The following RNF10 variants were observed in gnomAD, a reference collection of about 807,000 sequenced individuals.
The protein encoded by RNF10 is ring finger protein 10, also known as E3 ubiquitin-protein ligase RNF10.
A neutral mutation model predicts 91.4 loss-of-function variants in RNF10; 38 were observed. The observed-to-expected ratio is 0.42, with a 90% confidence interval of 0.32 to 0.54. The LOEUF (loss-of-function observed/expected upper bound fraction) is 0.54. Among genes scored for constraint, RNF10 ranks in the 20% least tolerant of loss-of-function variants. RNF10 has a pLI of 0.16. For synonymous variants in RNF10, 364 were observed against 366.3 expected (o/e 0.99, Z 0.07); for missense variants, 945 against 1,012.0 (o/e 0.93, Z 0.90).
At chr12:120,537,730 A>T (rs560400913) in intron 1 of RNF10, among the ~76,000 whole-genome samples, 2 of 152,240 alleles carry the variant, frequency 1.3e-5, no homozygotes, top group South Asian at 4.1e-4. Flanking sequence ...CATGTTTGCC[A>T]CCGCCAGTGT....
intron 1 of RNF10, among the ~76,000 whole-genome samples, chr12:120,545,481 C>T (rs759956116): frequency 2.6e-5 from 4 of 151,682 alleles, no homozygotes; most frequent in South Asian, 2.1e-4. Flanking sequence ...CATGAGCCAC[C>T]GCGCCTGGCC....
chr12:120,548,696 T>TC (rs969809751), intron 2 of RNF10, among the ~76,000 whole-genome samples: 2 of 148,786 alleles, frequency 1.3e-5, no homozygotes, highest in African/African-American at 4.9e-5. Context: ...TCTCGCTCTG[T>TC]CCCCCCAGGC....
At position 120,577,432 on chromosome 12, in the gene RNF10, G is replaced by A. The variant is rs1877535426; in HGVS notation, c.*766G>A. 3.5e-6 allele frequency: 1 copy of A among 288,146 alleles called. No individual in the cohort carries two copies. Among genetic ancestry groups the A allele is most frequent in the South Asian group, 2.7e-5 (1 of 36,966 alleles). 17.8% of individuals were successfully genotyped at this position (288,146 alleles called of 1,614,324 possible). A position where few individuals can be genotyped will look rare whatever the true frequency, so the allele number is the denominator to read the frequency against. On this transcript the variant is annotated 3_prime_UTR_variant, in exon 17 of 17. Transcript: ENST00000325954. Reference sequence around the variant, plus strand: ...GCAGGAGAGCAGGGCCATCTGAAGCGGTAGCATTGCCACCATCTCCCTCTC... The same window carrying A: ...GCAGGAGAGCAGGGCCATCTGAAGCAGTAGCATTGCCACCATCTCCCTCTC...
chr12:120,577,571 A>T lies in RNF10; in HGVS notation c.*905A>T. ...GAATGCGAAGGCAAATAGTTGCAAT[A>T]AATCACCTGCACAAGCATTGTGAGC... is the stretch of plus-strand genomic sequence containing the variant. On this transcript the variant is annotated 3_prime_UTR_variant, in exon 17 of 17. Coordinates refer to ENST00000325954, the MANE Select transcript of RNF10 (RefSeq NM_014868.5). The T allele has an allele frequency of 5.6e-6, 1 of 179,512 alleles. No homozygotes were observed. The highest frequency in any genetic ancestry group is 1.2e-5 in the Non-Finnish European group (1 of 83,734). 11.1% of individuals were successfully genotyped at this position (179,512 alleles called of 1,614,324 possible). A position where few individuals can be genotyped will look rare whatever the true frequency, so the allele number is the denominator to read the frequency against.
chr12:120,563,839 C>G lies in RNF10; in HGVS notation c.1561C>G (p.Pro521Ala), dbSNP rs758443878. ...AGATGGACAGCATATGTTCCTGCAC[C>G]CTGTGAATGTGCGCTGCCTCGTGCG... ...AEDGQHMFLH[P>A]VNVRCLVREY... The change falls in exon 10 of 17, where the codon CCT becomes GCT. Residue 521 changes from proline to alanine, a missense_variant. Coordinates refer to ENST00000325954, the MANE Select transcript of RNF10 (RefSeq NM_014868.5). 6.2e-7 allele frequency: 1 copy of G among 1,614,100 alleles called. No individual in the cohort carries two copies. Among genetic ancestry groups the G allele is most frequent in the South Asian group, 1.1e-5 (1 of 91,076 alleles).
At chr12:120,565,661 C>T (rs891951348) in intron 12 of RNF10, 132 bp downstream of exon 12, 1 of 702,442 alleles carries the variant, frequency 1.4e-6, no homozygotes, top group Non-Finnish European at 2.5e-6. Flanking sequence ...ATGAGAGCAC[C>T]TCCTTAATAG....
chr12:120,562,928 C>T lies in RNF10; in HGVS notation c.1129-17C>T, dbSNP rs767764480. On this transcript the variant is annotated splice_polypyrimidine_tract_variant and intron_variant, in intron 7 of 16. Coordinates refer to ENST00000325954, the MANE Select transcript of RNF10 (RefSeq NM_014868.5). ...TGGAAACTTAACCTTCTCTGGTGTT[C>T]TCTCTGGCCACGTTAGACTCGGGAA... The T allele has an allele frequency of 6.2e-7, 1 of 1,612,870 alleles. No individual in the cohort carries two copies. The highest frequency in any genetic ancestry group is 2.3e-5 in the East Asian group (1 of 44,030).
intron 2 of RNF10, among the ~76,000 whole-genome samples, chr12:120,551,243 C>T (rs1336680702): frequency 6.7e-6 from 1 of 149,720 alleles, no homozygotes; most frequent in African/African-American, 2.5e-5. Context: ...TCCTTGGCCT[C>T]CTAAAGCACT....
chr12:120,556,320 GT>G (rs1369736320), intron 4 of RNF10, among the ~76,000 whole-genome samples: 1 of 151,196 alleles, frequency 6.6e-6, no homozygotes, highest in African/African-American at 2.4e-5. Flanking sequence ...GGATCACGGG[GT>G]CAGGAGATCG....
At chr12:120,540,713 AGTT>A (rs1871419410) in intron 1 of RNF10, among the ~76,000 whole-genome samples, 1 of 152,190 alleles carries the variant, frequency 6.6e-6, no homozygotes, top group Non-Finnish European at 1.5e-5. Context: ...TGATGTGGTC[AGTT>A]GTTATGTGTT....
At position 120,563,395 on chromosome 12, in the gene RNF10, T is replaced by C; in HGVS notation, c.1303T>C (p.Cys435Arg). Residue 435 changes from cysteine (C) to arginine (R), a missense_variant, in exon 9 of 17, where the codon TGT (cysteine) becomes CGT (arginine). Physicochemically the swap from Cys to Arg is radical, Grantham distance 180. Coordinates refer to ENST00000325954, the MANE Select transcript of RNF10 (RefSeq NM_014868.5). ...CTTCGATGAAGAAACCACGGAAGTT[T>C]GTTCTCTGGACACTCCTTCTAGACC... ...SAFDEETTEVCSLDTPSRPLA... is the reference protein window; with the variant it reads ...SAFDEETTEVRSLDTPSRPLA... The C allele has an allele frequency of 6.2e-7, 1 of 1,614,084 alleles. No homozygotes were observed. Among genetic ancestry groups the C allele is most frequent in the Non-Finnish European group, 8.5e-7 (1 of 1,180,032 alleles).
chr12:120,551,692 AGGTGTAT>A (rs2137173071), intron 2 of RNF10, among the ~76,000 whole-genome samples: 1 of 152,156 alleles, frequency 6.6e-6, no homozygotes, highest in African/African-American at 2.4e-5. Flanking sequence ...GGCTATTTGC[AGGTGTAT>A]CATAGTGCAC....
At chr12:120,576,374 C>T (rs1877393780) in intron 16 of RNF10, among the ~76,000 whole-genome samples, 1 of 152,238 alleles carries the variant, frequency 6.6e-6, no homozygotes, top group Admixed American at 6.5e-5. Context: ...GGGTGTACCT[C>T]ACGTTACAGA....
At chr12:120,541,473 C>T (rs561405895) in intron 1 of RNF10, among the ~76,000 whole-genome samples, 75 of 145,742 alleles carry the variant, frequency 5.1e-4, no homozygotes, top group Non-Finnish European at 9.0e-4. Context: ...CTCACTCTGT[C>T]GCCCAGACTG....
intron 1 of RNF10, 143 bp downstream of exon 1, chr12:120,535,111 G>A: frequency 1.1e-6 from 1 of 921,494 alleles, no homozygotes; most frequent in South Asian, 1.9e-5. Context: ...GCTCTCATTT[G>A]CAGTTACATT....
intron 14 of RNF10, among the ~76,000 whole-genome samples, chr12:120,571,814 T>G (rs936159409): frequency 6.6e-6 from 1 of 152,168 alleles, no homozygotes; most frequent in African/African-American, 2.4e-5. Context: ...CTCTTCACTT[T>G]GAGAGGGGAA....
intron 14 of RNF10, among the ~76,000 whole-genome samples, chr12:120,573,063 C>T (rs1226310754): frequency 6.6e-6 from 1 of 152,022 alleles, no homozygotes; most frequent in Non-Finnish European, 1.5e-5. Context: ...TTTGCTTTCT[C>T]TTTTTTCTGT....
At chr12:120,545,864 T>A (rs758309740) in intron 1 of RNF10, among the ~76,000 whole-genome samples, 16 of 152,196 alleles carry the variant, frequency 1.1e-4, no homozygotes, top group Non-Finnish European at 1.6e-4. Flanking sequence ...GAGCTCAACT[T>A]CTTTTGTTCT....
chr12:120,566,733 G>A (rs1269462119), intron 12 of RNF10, 92 bp from the exon 13 acceptor site: 8 of 1,203,284 alleles, frequency 6.6e-6, no homozygotes, highest in Non-Finnish European at 9.6e-6. Context: ...CTACACTCCA[G>A]CCTGGGTGAC....
Sources: gnomAD v4.1 joint callset for allele counts (sites outside exome capture counted in the v4.1 genomes callset) on GRCh38, gnomAD v4.1.1 for gene constraint, MANE v1.5 for transcripts, NCBI Gene and HGNC (gene_info 2026-07-23, HGNC 2026-07-21) for gene names.